Variants in BTBD1 observed in about 807,000 individuals in gnomAD.
BTBD1 encodes BTB/POZ domain-containing protein 1.
Under a neutral mutation model 48.0 loss-of-function variants are expected in BTBD1, and 34 were observed. That is an observed-to-expected ratio of 0.71 (90% CI 0.54 to 0.94). The LOEUF (loss-of-function observed/expected upper bound fraction) is 0.94. Ranked by LOEUF, BTBD1 falls within the 40% of genes least tolerant of loss-of-function variation. BTBD1 has a pLI of 0.00. For missense variants in BTBD1, 543 were observed against 625.6 expected, an observed-to-expected ratio of 0.87 and a Z score of 1.41; for synonymous variants, 261 against 242.1, an observed-to-expected ratio of 1.08 and a Z score of -0.72.
intron 1 of BTBD1, among the ~76,000 whole-genome samples, chr15:83,062,270 G>A (rs948472494): frequency 6.6e-6 from 1 of 152,144 alleles, no homozygotes; most frequent in Non-Finnish European, 1.5e-5. Context: ...TGAATGGAGA[G>A]AGTTAAGTCT....
At position 83,021,162 on chromosome 15, in the gene BTBD1, T is replaced by A. The variant is rs62010165; in HGVS notation, c.1056-400A>T. On this transcript the variant is annotated intron_variant, in intron 5 of 7. Transcript: ENST00000261721. ...CTAAGGGCTTATCATATTTAGGTAC[T>A]AGGCTTGGCACTGCGGAAGTAATGG... 3.5e-3 allele frequency among the ~76,000 whole-genome samples: 530 copies of A among 152,248 alleles called. 1 individual carries two copies. The highest frequency in any genetic ancestry group is 5.3e-3 in the Non-Finnish European group (358 of 68,018).
At chr15:83,048,309 A>C (rs1237425810) in intron 3 of BTBD1, among the ~76,000 whole-genome samples, 1 of 152,200 alleles carries the variant, frequency 6.6e-6, no homozygotes, top group Admixed American at 6.5e-5. Flanking sequence ...GTTCTCCTTT[A>C]GCTGTTCTGT....
intron 5 of BTBD1, 50 bp downstream of exon 5, chr15:83,030,086 T>C (rs768859339): frequency 6.6e-7 from 1 of 1,515,642 alleles, no homozygotes; most frequent in Non-Finnish European, 9.1e-7. Context: ...AAAGGCCAAA[T>C]GGTAACTGCT....
intron 4 of BTBD1, among the ~76,000 whole-genome samples, chr15:83,033,317 G>A (rs1006167145): frequency 6.6e-6 from 1 of 152,030 alleles, no homozygotes; most frequent in African/African-American, 2.4e-5. Context: ...AAATATTGAA[G>A]AGAATTCTTC....
Position 83,016,555 on chromosome 15 carries a change from C to T in BTBD1, c.*1512G>A, listed in dbSNP as rs989177491. ...CAATTGTTCAGTACAACAGATGAGG[C>T]ATTTAAAAGGTCTCCAACGTCAAGA... On this transcript the variant is annotated 3_prime_UTR_variant, in exon 8 of 8. Coordinates refer to ENST00000261721, the MANE Select transcript of BTBD1 (RefSeq NM_025238.4). 3 of 144,750 alleles carry T rather than the reference C, an allele frequency of 2.1e-5. No homozygotes were observed. Among genetic ancestry groups the T allele is most frequent in the Non-Finnish European group, 4.7e-5 (3 of 64,416 alleles). 9.0% of individuals were successfully genotyped at this position (144,750 alleles called of 1,614,324 possible). A position where few individuals can be genotyped will look rare whatever the true frequency, so the allele number is the denominator to read the frequency against.
rs1480645391 is a variant in BTBD1 at position 83,016,550 on chromosome 15, T to C, written c.*1517A>G. On this transcript the variant is annotated 3_prime_UTR_variant, in exon 8 of 8. Transcript: ENST00000261721. ...AGTTTCAATTGTTCAGTACAACAGA[T>C]GAGGCATTTAAAAGGTCTCCAACGT... 6.9e-6 allele frequency: 1 copy of C among 145,100 alleles called. No homozygotes were observed. The highest frequency in any genetic ancestry group is 1.6e-5 in the Non-Finnish European group (1 of 64,510). The allele number at this position is 145,100 out of a possible 1,614,324, so 9.0% of individuals were successfully genotyped here. A position where few individuals can be genotyped will look rare whatever the true frequency, so the allele number is the denominator to read the frequency against.
chr15:83,066,708 G>A, intron 1 of BTBD1, 43 bp downstream of exon 1: 2 of 1,162,752 alleles, frequency 1.7e-6, no homozygotes, highest in Non-Finnish European at 2.2e-6. Context: ...GCCCGGCCCG[G>A]CCCGGCCCGG....
chr15:83,019,226 AT>A (rs1224571472), intron 6 of BTBD1, among the ~76,000 whole-genome samples: 1 of 151,786 alleles, frequency 6.6e-6, no homozygotes, highest in Non-Finnish European at 1.5e-5. Flanking sequence ...CACCTGGCTA[AT>A]TTTTTTGTAT....
chr15:83,038,316 C>T (rs948957460), intron 4 of BTBD1, among the ~76,000 whole-genome samples: 1 of 151,982 alleles, frequency 6.6e-6, no homozygotes, highest in African/African-American at 2.4e-5. Context: ...TTTTTACATC[C>T]ATACATCTTG....
intron 1 of BTBD1, 145 bp downstream of exon 1, chr15:83,066,606 C>T (rs2033277016): frequency 2.3e-6 from 2 of 874,450 alleles, no homozygotes; most frequent in East Asian, 3.5e-5. Flanking sequence ...GCATCAACGG[C>T]TCGGGAGGAA....
chr15:83,053,717 C>T (rs1045909543), intron 2 of BTBD1, among the ~76,000 whole-genome samples: 1 of 152,150 alleles, frequency 6.6e-6, no homozygotes, highest in African/African-American at 2.4e-5. Flanking sequence ...ACGGAGATAT[C>T]ACTTATTAGT....
intron 5 of BTBD1, 85 bp downstream of exon 5, chr15:83,030,051 T>G (rs978608723): frequency 1.6e-5 from 19 of 1,183,952 alleles, no homozygotes; most frequent in Non-Finnish European, 2.1e-5. Flanking sequence ...GAAATGTTGG[T>G]TAATTATCTC....
chr15:83,052,346 C>T (rs2033003561), intron 2 of BTBD1, among the ~76,000 whole-genome samples: 1 of 152,256 alleles, frequency 6.6e-6, no homozygotes, highest in East Asian at 1.9e-4. Flanking sequence ...TCCCAAAGTG[C>T]TGGGATTTTT....
intron 4 of BTBD1, among the ~76,000 whole-genome samples, chr15:83,036,244 G>A (rs2032628604): frequency 6.6e-6 from 1 of 150,528 alleles, no homozygotes; most frequent in Admixed American, 6.6e-5. Context: ...ATTACATTAA[G>A]TGCAAGTGAA....
chr15:83,018,305 G>A, intron 7 of BTBD1, 80 bp from the exon 8 acceptor site: 3 of 1,140,460 alleles, frequency 2.6e-6, no homozygotes, highest in South Asian at 4.5e-5. Context: ...TTAGATTAAT[G>A]TTCCATTATA....
chr15:83,059,269 G>C (rs981919072), intron 1 of BTBD1, among the ~76,000 whole-genome samples: 2 of 152,100 alleles, frequency 1.3e-5, no homozygotes, highest in Non-Finnish European at 2.9e-5. Context: ...AAGTTGGCCG[G>C]GCATGGTGGC....
chr15:83,056,576 G>A, intron 1 of BTBD1, 31 bp from the exon 2 acceptor site: 1 of 1,586,952 alleles, frequency 6.3e-7, no homozygotes. Flanking sequence ...TTGCAGAGAT[G>A]GTCAGTAATG....
intron 1 of BTBD1, among the ~76,000 whole-genome samples, chr15:83,060,040 T>TACTTAAA (rs2033152109): frequency 6.6e-6 from 1 of 152,234 alleles, no homozygotes; most frequent in Admixed American, 6.5e-5. Flanking sequence ...AGGATCTCTG[T>TACTTAAA]GTATCTTATA....
In BTBD1 at chr15:83,065,794, C is replaced by T. The variant is rs184545130; in HGVS notation, c.401+957G>A. Among the ~76,000 whole-genome samples the T allele has an allele frequency of 8.1e-3, 1,240 of 152,234 alleles. 12 individuals carry two copies. The highest frequency in any genetic ancestry group is 0.014 in the Middle Eastern group (4 of 294). On this transcript the variant is annotated intron_variant, in intron 1 of 7. Transcript: ENST00000261721. ...TGGCTGTGATTAAAAGCTAGTAATG[C>T]CAAACAATCACCTTTTCATTAGATG...
Sources: allele counts gnomAD v4.1 joint callset (sites outside exome capture counted in the v4.1 genomes callset), GRCh38; gene constraint gnomAD v4.1.1; transcripts MANE v1.5; gene names NCBI Gene and HGNC (gene_info 2026-07-23, HGNC 2026-07-21).